The following CFAP206 variants were observed in gnomAD, a reference collection of about 807,000 sequenced individuals.
The protein encoded by CFAP206 is cilia and flagella associated protein 206, also known as cilia- and flagella-associated protein 206.
Under a neutral mutation model 65.4 loss-of-function variants are expected in CFAP206, and 53 were observed. The ratio of observed to expected loss-of-function variants is 0.81; its 90% CI spans 0.65 to 1.02. The LOEUF is 1.02. Ranked by LOEUF, CFAP206 falls within the 50% of genes least tolerant of loss-of-function variation. The pLI, the probability that CFAP206 is intolerant of heterozygous loss-of-function variation, is 0.00. For missense variants in CFAP206, 663 were observed against 753.2 expected, an observed-to-expected ratio of 0.88 and a Z score of 1.40; for synonymous variants, 250 against 254.4, an observed-to-expected ratio of 0.98 and a Z score of 0.17.
At chr6:87,409,536 TAA>T (rs1767693140) in intron 1 of CFAP206, among the ~76,000 whole-genome samples, 1 of 147,630 alleles carries the variant, frequency 6.8e-6, no homozygotes, top group Non-Finnish European at 1.5e-5. Flanking sequence ...TTTTTTTTTT[TAA>T]TTAAGAATAT....
At chr6:87,443,183 A>G (rs997586644) in intron 11 of CFAP206, among the ~76,000 whole-genome samples, 4 of 152,128 alleles carry the variant, frequency 2.6e-5, no homozygotes, top group African/African-American at 9.6e-5. Flanking sequence ...TTTCTTTTGT[A>G]TCAGATTCAA....
intron 11 of CFAP206, among the ~76,000 whole-genome samples, chr6:87,448,779 C>G (rs2127955709): frequency 6.6e-6 from 1 of 152,156 alleles, no homozygotes; most frequent in South Asian, 2.1e-4. Flanking sequence ...CTGTGCCTTG[C>G]TTATTTCATT....
intron 11 of CFAP206, among the ~76,000 whole-genome samples, chr6:87,440,650 C>G (rs1158666335): frequency 6.6e-6 from 1 of 152,102 alleles, no homozygotes; most frequent in Non-Finnish European, 1.5e-5. Context: ...ATTGCTAATG[C>G]AGAAAGCATC....
chr6:87,455,422 C>G (rs1440988406), intron 11 of CFAP206, among the ~76,000 whole-genome samples: 1 of 151,708 alleles, frequency 6.6e-6, no homozygotes, highest in Admixed American at 6.6e-5. Flanking sequence ...AATAAAGAAC[C>G]CAAGCATGCA....
intron 11 of CFAP206, among the ~76,000 whole-genome samples, chr6:87,442,407 A>T (rs1461157882): frequency 2.0e-5 from 3 of 152,092 alleles, no homozygotes; most frequent in Admixed American, 2.0e-4. Context: ...CTGTTGTTTC[A>T]CCATTAGAGA....
rs113595917 is a variant in CFAP206, at chr6:87,428,265, G to A, written c.961-361G>A. 7.3e-3 allele frequency among the ~76,000 whole-genome samples: 1,102 copies of A among 151,516 alleles called. 10 individuals carry two copies. The highest frequency in any genetic ancestry group is 0.025 in the African/African-American group (1,028 of 41,320). ...GGCCTCCCAAAATGCTGGGATTACAGGTGTGAGCTACTGTGCCTGGCCGTA... is the reference window on the plus strand; with the variant it reads ...GGCCTCCCAAAATGCTGGGATTACAAGTGTGAGCTACTGTGCCTGGCCGTA... On this transcript the variant is annotated intron_variant, in intron 8 of 12. Coordinates refer to ENST00000369562, the MANE Select transcript of CFAP206 (RefSeq NM_001031743.3).
chr6:87,428,771 A>G lies in CFAP206; in HGVS notation c.1106A>G (p.His369Arg), dbSNP rs778585023. Residue 369 changes from histidine (H) to arginine (R), a missense_variant, in exon 9 of 13, where the codon CAT becomes CGT. Coordinates refer to ENST00000369562, the MANE Select transcript of CFAP206 (RefSeq NM_001031743.3). Reference sequence around the variant, plus strand: ...TTTCCTGAGAGAGTGATGCAATGTCATCTTAATGGAGCGACTGTGAAAACT... The same window carrying G: ...TTTCCTGAGAGAGTGATGCAATGTCGTCTTAATGGAGCGACTGTGAAAACT... ...LYFPERVMQC[H>R]LNGATVKTDV... The G allele has an allele frequency of 1.2e-6, 2 of 1,614,174 alleles. No homozygotes were observed. The highest frequency in any genetic ancestry group is 1.7e-6 in the Non-Finnish European group (2 of 1,180,024).
At chr6:87,437,194 T>C (rs1768282298) in intron 11 of CFAP206, among the ~76,000 whole-genome samples, 1 of 152,194 alleles carries the variant, frequency 6.6e-6, no homozygotes, top group Non-Finnish European at 1.5e-5. Context: ...GGTCTTGAAC[T>C]CCTGACCTTG....
Position 87,426,566 on chromosome 6 carries a change from C to T in CFAP206, c.881C>T (p.Thr294Ile), listed in dbSNP as rs746949268. 3.8e-6 allele frequency: 6 copies of T among 1,598,978 alleles called. No homozygotes were observed. Among genetic ancestry groups the T allele is most frequent in the Non-Finnish European group, 5.1e-6 (6 of 1,172,276 alleles). The change falls in exon 8 of 13, where the codon ACA becomes ATA. Residue 294 changes from threonine to isoleucine, a missense_variant. Coordinates refer to ENST00000369562, the MANE Select transcript of CFAP206 (RefSeq NM_001031743.3). Reference sequence around the variant, plus strand: ...GGTGCTCAAGAAGTGGAAATGATGACAAAACAGTTAGGAGCCCATCTGGAA... The same window carrying T: ...GGTGCTCAAGAAGTGGAAATGATGATAAAACAGTTAGGAGCCCATCTGGAA... ...ITGAQEVEMM[T>I]KQLGAHLEQL...
At chr6:87,430,293 A>G (rs1172665629) in intron 9 of CFAP206, among the ~76,000 whole-genome samples, 1 of 152,214 alleles carries the variant, frequency 6.6e-6, no homozygotes, top group Non-Finnish European at 1.5e-5. Context: ...CAGGCACAGA[A>G]GTGTACGTGA....
chr6:87,411,594 G>C (rs980227110), intron 3 of CFAP206, among the ~76,000 whole-genome samples: 8 of 152,016 alleles, frequency 5.3e-5, no homozygotes, highest in African/African-American at 1.9e-4. Context: ...TCTTTGCGTA[G>C]GCCAATGCCC....
At chr6:87,422,070 A>G (rs532545484) in intron 7 of CFAP206, among the ~76,000 whole-genome samples, 1 of 152,314 alleles carries the variant, frequency 6.6e-6, no homozygotes, top group Non-Finnish European at 1.5e-5. Context: ...ACATGCTGGG[A>G]TCACATGCTT....
chr6:87,414,606 G>A (rs1437191882), intron 4 of CFAP206, among the ~76,000 whole-genome samples: 1 of 152,080 alleles, frequency 6.6e-6, no homozygotes, highest in Non-Finnish European at 1.5e-5. Flanking sequence ...GGCTCATTAT[G>A]TAAATAATTT....
Position 87,410,630 on chromosome 6 carries a change from A to G in CFAP206, c.154A>G (p.Arg52Gly). The change falls in exon 3 of 13, where the codon AGA becomes GGA. Residue 52 changes from arginine to glycine, a missense_variant. By Grantham distance (125) the Arg-to-Gly change is moderately radical. Coordinates refer to ENST00000369562, the MANE Select transcript of CFAP206 (RefSeq NM_001031743.3). ...LDPSNGFNMD[R>G]TLMKSDVQNL... ...TCCAAGTAATGGCTTTAACATGGATAGAACCCTCATGAAAAGTGATGTGCA... is the reference window on the plus strand; with the variant it reads ...TCCAAGTAATGGCTTTAACATGGATGGAACCCTCATGAAAAGTGATGTGCA... 1.2e-6 allele frequency: 2 copies of G among 1,614,138 alleles called. No individual in the cohort carries two copies. Among genetic ancestry groups the G allele is most frequent in the Non-Finnish European group, 1.7e-6 (2 of 1,179,986 alleles).
chr6:87,451,699 T>C (rs1174546775), intron 11 of CFAP206, among the ~76,000 whole-genome samples: 2 of 151,860 alleles, frequency 1.3e-5, no homozygotes, highest in Non-Finnish European at 2.9e-5. Flanking sequence ...AGTCACAGTA[T>C]AATAAAGCAC....
chr6:87,439,124 A>G (rs1005941127), intron 11 of CFAP206, among the ~76,000 whole-genome samples: 1 of 152,184 alleles, frequency 6.6e-6, no homozygotes, highest in Non-Finnish European at 1.5e-5. Flanking sequence ...ATCTTACTGG[A>G]ATTTTAACTG....
At chr6:87,463,401 T>C (rs1423433502) in intron 12 of CFAP206, among the ~76,000 whole-genome samples, 1 of 152,192 alleles carries the variant, frequency 6.6e-6, no homozygotes, top group Non-Finnish European at 1.5e-5. Context: ...CCTTCTTCAC[T>C]CACATGCTAT....
At chr6:87,430,445 A>G (rs1353764966) in intron 9 of CFAP206, among the ~76,000 whole-genome samples, 1 of 152,234 alleles carries the variant, frequency 6.6e-6, no homozygotes, top group Non-Finnish European at 1.5e-5. Flanking sequence ...TATAAAGAAC[A>G]AAAATTACAC....
chr6:87,425,397 A>G (rs1768022750), intron 7 of CFAP206, among the ~76,000 whole-genome samples: 1 of 152,238 alleles, frequency 6.6e-6, no homozygotes, highest in South Asian at 2.1e-4. Context: ...TGTCTTAGTT[A>G]TCATAAAGTC....
Sources: allele counts gnomAD v4.1 joint callset (sites outside exome capture counted in the v4.1 genomes callset), GRCh38; gene constraint gnomAD v4.1.1; transcripts MANE v1.5; gene names NCBI Gene and HGNC (gene_info 2026-07-23, HGNC 2026-07-21).